The following PCDH15 variants were observed in gnomAD, a reference collection of about 807,000 sequenced individuals.
PCDH15 encodes the protein protocadherin-15.
PCDH15 carries 129 observed loss-of-function variants against 178.5 expected under a neutral mutation model. The ratio of observed to expected loss-of-function variants is 0.72; its 90% CI spans 0.63 to 0.84. The LOEUF (loss-of-function observed/expected upper bound fraction) is 0.84, where lower values mean the gene tolerates loss of function less well. Among genes scored for constraint, PCDH15 ranks in the 40% least tolerant of loss-of-function variants. The pLI is 0.00. For synonymous variants in PCDH15, 800 were observed against 732.0 expected, an observed-to-expected ratio of 1.09 and a Z score of -1.50; for missense variants, 2,230 against 2,099.9, an observed-to-expected ratio of 1.06 and a Z score of -1.21.
rs181319210 is a variant in PCDH15, at chr10:54,450,749, T to C, written c.158-71807A>G. 6.0e-4 allele frequency among the ~76,000 whole-genome samples: 91 copies of C among 151,960 alleles called. No individual in the cohort carries two copies. In the East Asian group the frequency reaches 0.013, roughly 22 times the overall value. ...ACACCTATGATATTTACTTCTGTCA[T>C]CTCCACATTCAAAAGAAAACAAACA... On this transcript the variant is annotated intron_variant, in intron 3 of 37. Transcript: ENST00000644397.
At position 55,479,357 on chromosome 10, in the gene PCDH15, G is replaced by A. The variant is rs182505142; in HGVS notation, c.-156+148268C>T. Among the ~76,000 whole-genome samples the A allele has an allele frequency of 2.0e-5, 3 of 151,636 alleles. No individual in the cohort carries two copies. In the East Asian group the frequency reaches 5.8e-4, roughly 29 times the overall value. ...TCAACATATGCAAATCAATAAACAT[G>A]ATATATTATATCAACAGAGTGAAGG... On this transcript the variant is annotated intron_variant, in intron 2 of 5. Transcript: ENST00000613346.
chr10:55,527,549 C>T (rs1416238162), intron 2 of PCDH15, among the ~76,000 whole-genome samples: 2 of 151,912 alleles, frequency 1.3e-5, no homozygotes. Context: ...TTCTGAGTTT[C>T]TAGGTGTAAG....
chr10:54,004,541 T>C (rs2092312667), intron 20 of PCDH15, among the ~76,000 whole-genome samples: 1 of 151,526 alleles, frequency 6.6e-6, no homozygotes, highest in African/African-American at 2.4e-5. Flanking sequence ...AAGAAATCAA[T>C]AAAGTAATCC....
intron 5 of PCDH15, among the ~76,000 whole-genome samples, chr10:54,368,905 A>G (rs1290265168): frequency 2.0e-5 from 3 of 152,088 alleles, no homozygotes; most frequent in African/African-American, 7.2e-5. Flanking sequence ...AATATCTATT[A>G]TTATAAATAC....
chr10:53,855,795 C>T (rs537551597), intron 28 of PCDH15, among the ~76,000 whole-genome samples: 208 of 150,844 alleles, frequency 1.4e-3, no homozygotes, highest in African/African-American at 4.8e-3. Flanking sequence ...ACCTAGACAA[C>T]GGGTTGATAG....
At chr10:54,954,713 T>C (rs1838437398) in intron 2 of PCDH15, among the ~76,000 whole-genome samples, 1 of 151,304 alleles carries the variant, frequency 6.6e-6, no homozygotes, top group Non-Finnish European at 1.5e-5. Context: ...TTTTTAGCTC[T>C]GGTAGGATTT....
intron 2 of PCDH15, among the ~76,000 whole-genome samples, chr10:54,968,878 T>C (rs974854878): frequency 3.3e-5 from 5 of 152,184 alleles, no homozygotes; most frequent in African/African-American, 1.2e-4. Context: ...TAGCCTTTTC[T>C]TCAAACGTGT....
chr10:54,170,354 C>G (rs997577449), intron 13 of PCDH15, among the ~76,000 whole-genome samples: 10 of 151,992 alleles, frequency 6.6e-5, no homozygotes, highest in East Asian at 3.9e-4. Context: ...AGCCTTTCTG[C>G]CCAAACAACT....
intron 2 of PCDH15, among the ~76,000 whole-genome samples, chr10:55,554,233 A>G (rs563223500): frequency 2.6e-5 from 4 of 152,152 alleles, no homozygotes; most frequent in Non-Finnish European, 5.9e-5. Flanking sequence ...TTCTAGTCTC[A>G]ATTTCTCAAC....
rs531015643 is a variant in PCDH15, at chr10:54,322,519, A to G, written c.706-5078T>C. On this transcript the variant is annotated intron_variant, in intron 7 of 37. Coordinates refer to ENST00000644397, the MANE Select transcript of PCDH15 (RefSeq NM_001384140.1). ...AATTGTGTCTCCTCAACCTCAAGCT[A>G]GAAAATCTAGAGTAAAGTGATATGT... Among the ~76,000 whole-genome samples, 5 of 152,178 alleles carry G rather than the reference A, an allele frequency of 3.3e-5. No homozygotes were observed. In the East Asian group the frequency reaches 9.7e-4, roughly 29 times the overall value.
chr10:54,686,492 C>CG (rs1302153749), intron 1 of PCDH15, among the ~76,000 whole-genome samples: 1 of 152,008 alleles, frequency 6.6e-6, no homozygotes, highest in East Asian at 1.9e-4. Context: ...ATTGCTGAGA[C>CG]GAACATCATG....
At chr10:53,904,890 T>G in intron 25 of PCDH15, among the ~76,000 whole-genome samples, 1 of 152,104 alleles carries the variant, frequency 6.6e-6, no homozygotes, top group East Asian at 1.9e-4. Flanking sequence ...ACATATACAA[T>G]TCAAATGTGC....
chr10:55,588,432 A>C (rs1842769952), intron 2 of PCDH15, among the ~76,000 whole-genome samples: 1 of 152,194 alleles, frequency 6.6e-6, no homozygotes, highest in African/African-American at 2.4e-5. Context: ...AGTTTGTATA[A>C]AAACAAAAAT....
intron 2 of PCDH15, among the ~76,000 whole-genome samples, chr10:54,659,620 G>A (rs916036846): frequency 3.9e-5 from 6 of 151,904 alleles, no homozygotes; most frequent in African/African-American, 1.5e-4. Flanking sequence ...GGGTGTTAGT[G>A]GGGCATGCCT....
At chr10:53,876,421 C>T (rs933850336) in intron 26 of PCDH15, among the ~76,000 whole-genome samples, 14 of 152,058 alleles carry the variant, frequency 9.2e-5, no homozygotes, top group African/African-American at 3.4e-4. Context: ...CTCCTGACCT[C>T]GTGATCCACC....
chr10:53,901,523 A>G (rs2082333744), intron 26 of PCDH15, among the ~76,000 whole-genome samples: 1 of 152,144 alleles, frequency 6.6e-6, no homozygotes, highest in Non-Finnish European at 1.5e-5. Context: ...CTTGTCCAAA[A>G]CACTGTGTTA....
At chr10:54,279,419 T>C (rs1478963704) in intron 8 of PCDH15, among the ~76,000 whole-genome samples, 1 of 151,668 alleles carries the variant, frequency 6.6e-6, no homozygotes, top group Non-Finnish European at 1.5e-5. Flanking sequence ...TGCTATATAC[T>C]AATAATTAAA....
In PCDH15 at chr10:55,114,012, G is replaced by A. The variant is rs1044354623; in HGVS notation, c.-80+52564C>T. On this transcript the variant is annotated intron_variant, in intron 2 of 5. Transcript: ENST00000458638. ...CGCCCAGGCTGGAGTGCAGTGGCAC[G>A]ATCTCGGCTCACTGCAAGCTCTGCC... Among the ~76,000 whole-genome samples, 10 of 152,110 alleles carry A rather than the reference G, an allele frequency of 6.6e-5. 1 individual carries two copies. Among genetic ancestry groups the A allele is most frequent in the African/African-American group, 1.2e-4 (5 of 41,508 alleles).
chr10:54,625,419 A>T (rs1292572717), intron 2 of PCDH15, among the ~76,000 whole-genome samples: 1 of 152,184 alleles, frequency 6.6e-6, no homozygotes, highest in Non-Finnish European at 1.5e-5. Context: ...CTCATCTTGT[A>T]GCTTCCATAA....
Sources: allele counts gnomAD v4.1 joint callset (sites outside exome capture counted in the v4.1 genomes callset), GRCh38; gene constraint gnomAD v4.1.1; transcripts MANE v1.5; gene names NCBI Gene and HGNC (gene_info 2026-07-23, HGNC 2026-07-21).